Variants in EVC observed in about 807,000 individuals in gnomAD.
The protein encoded by EVC is EvC ciliary complex subunit 1, also known as evC complex member EVC.
Under a neutral mutation model 118.9 loss-of-function variants are expected in EVC, and 116 were observed. The observed-to-expected ratio is 0.98, with a 90% CI of 0.84 to 1.14. The LOEUF is 1.14. Among genes scored for constraint, EVC ranks in the 50% most tolerant of loss-of-function variants. The pLI is 0.00. For synonymous variants in EVC, 619 were observed against 534.7 expected (o/e 1.16, Z -2.18); for missense variants, 1,401 against 1,246.4 (o/e 1.12, Z -1.87).
chr4:5,745,321 T>C lies in EVC; in HGVS notation c.919T>C (p.Ser307Pro), dbSNP rs121908426. ...TGTGGAAAAGAAGGAGAGAGAATAC[T>C]CTGAACAGCTAATCGATAATGTGCG... ...ADVEKKEREYSEQLIDNMEAF... is the reference protein window; with the variant it reads ...ADVEKKEREYPEQLIDNMEAF... The change falls in exon 7 of 21, where the codon TCT (serine) becomes CCT (proline). Residue 307 changes from serine (S) to proline (P), a missense_variant. Transcript: ENST00000264956. 1.9e-5 allele frequency: 30 copies of C among 1,613,994 alleles called. No homozygotes were observed. The highest frequency in any genetic ancestry group is 2.3e-5 in the Non-Finnish European group (27 of 1,179,972).
At chr4:5,779,446 C>T (rs1404001473) in intron 11 of EVC, among the ~76,000 whole-genome samples, 5 of 150,154 alleles carry the variant, frequency 3.3e-5, no homozygotes, top group Non-Finnish European at 7.4e-5. Context: ...TGGCCATTTT[C>T]ACGATATTGA....
chr4:5,807,294 G>C (rs1477229727), intron 17 of EVC, among the ~76,000 whole-genome samples: 4 of 152,216 alleles, frequency 2.6e-5, no homozygotes, highest in African/African-American at 7.2e-5. Context: ...ATGGATGACA[G>C]CGTCTTGTAG....
chr4:5,767,484 C>T (rs906328989), intron 11 of EVC, among the ~76,000 whole-genome samples: 37 of 150,728 alleles, frequency 2.5e-4, no homozygotes, highest in Non-Finnish European at 4.4e-4. Context: ...CAATGGCGGG[C>T]GCCTCTCCCC....
Position 5,783,664 on chromosome 4 carries a change from A to C in EVC, c.1676A>C (p.Gln559Pro). The C allele has an allele frequency of 6.2e-7, 1 of 1,614,192 alleles. No individual in the cohort carries two copies. Among genetic ancestry groups the C allele is most frequent in the Non-Finnish European group, 8.5e-7 (1 of 1,180,030 alleles). Residue 559 changes from glutamine (Q) to proline (P), a missense_variant, in exon 12 of 21, where the codon CAG (glutamine) becomes CCG (proline). By Grantham distance (76) the Gln-to-Pro change is moderately conservative. Coordinates refer to ENST00000264956, the MANE Select transcript of EVC (RefSeq NM_153717.3). ...CCGGAAGAGTGTGACTACTTGAGGC[A>C]GGAAGTCCAGGAGAACGCTGCCTGG... is the stretch of plus-strand genomic sequence containing the variant. ...LPPEECDYLR[Q>P]EVQENAAWQL...
At chr4:5,765,855 C>G (rs1156960772) in intron 11 of EVC, among the ~76,000 whole-genome samples, 3 of 150,364 alleles carry the variant, frequency 2.0e-5, no homozygotes, top group Admixed American at 1.3e-4. Context: ...GACTCTTCAT[C>G]CAGTTTGCCA....
chr4:5,787,619 C>T (rs1447362408), intron 12 of EVC, among the ~76,000 whole-genome samples: 3 of 152,106 alleles, frequency 2.0e-5, no homozygotes, highest in Non-Finnish European at 2.9e-5. Flanking sequence ...TCTCCAGAAG[C>T]GTAAGGTAAT....
Position 5,794,257 on chromosome 4 carries a change from GT to G in EVC, c.1886+541del, listed in dbSNP as rs1713364134. 1.3e-4 allele frequency among the ~76,000 whole-genome samples: 4 copies of G among 29,682 alleles called. No individual in the cohort carries two copies. In the South Asian group the frequency reaches 0.011, roughly 84 times the overall value. 19.5% of individuals were successfully genotyped at this position (29,682 alleles called of 152,430 possible). On this transcript the variant is annotated intron_variant, in intron 13 of 20. Transcript: ENST00000264956. ...TATATATTTATATATATATTTATATGTATTTATATATTTATATATATTTATA... is the reference window on the plus strand; with the variant it reads ...TATATATTTATATATATATTTATATGATTTATATATTTATATATATTTATA...
intron 2 of EVC, among the ~76,000 whole-genome samples, chr4:5,726,294 G>A (rs181768550): frequency 3.9e-5 from 6 of 152,298 alleles, no homozygotes; most frequent in East Asian, 1.9e-4. Flanking sequence ...GGTCTGCAGC[G>A]CCAGGCTTTG....
the EVC span, chr4:5,825,855 G>T: frequency 1.7e-6 from 1 of 576,018 alleles, no homozygotes; most frequent in South Asian, 2.2e-5. The surrounding 1 kb of genome is among the most constrained non-coding windows in gnomAD (Gnocchi z 4.4). Context: ...ATACACACAA[G>T]CATGCATACA....
intron 2 of EVC, among the ~76,000 whole-genome samples, chr4:5,724,880 C>T (rs1178110120): frequency 1.3e-5 from 2 of 152,002 alleles, no homozygotes; most frequent in African/African-American, 2.4e-5. Context: ...TCCCTCCCCT[C>T]GCCCCCGACA....
intron 8 of EVC, among the ~76,000 whole-genome samples, chr4:5,750,551 G>A (rs952364483): frequency 6.6e-6 from 1 of 152,202 alleles, no homozygotes; most frequent in Non-Finnish European, 1.5e-5. Context: ...CTTGCCACTC[G>A]TTAGCTGTGT....
downstream of EVC, among the ~76,000 whole-genome samples, chr4:5,816,584 CTCCCTCCCT>C (rs1346208922): frequency 1.3e-5 from 2 of 150,988 alleles, no homozygotes; most frequent in African/African-American, 4.9e-5. Flanking sequence ...CCTTCCTCCC[CTCCCTCCCT>C]TCTTTCCTTA....
In EVC at chr4:5,741,675, A is replaced by G. The variant is rs763954061; in HGVS notation, c.703-41A>G. ...AAAGCAAAAGACAAAAATACCATTG[A>G]TTAAACTTTTCTTTTGTTATCTTTC... On this transcript the variant is annotated intron_variant, in intron 5 of 20. Transcript: ENST00000264956. 4 of 1,235,838 alleles carry G rather than the reference A, an allele frequency of 3.2e-6. No individual in the cohort carries two copies. The South Asian group carries it at 4.9e-5, about 15-fold the overall frequency. 76.6% of individuals were successfully genotyped at this position (1,235,838 alleles called of 1,614,324 possible). A position where few individuals can be genotyped will look rare whatever the true frequency, so the allele number is the denominator to read the frequency against.
At chr4:5,822,322 A>G in the EVC span, among the ~76,000 whole-genome samples, 1 of 152,144 alleles carries the variant, frequency 6.6e-6, no homozygotes, top group Non-Finnish European at 1.5e-5. Flanking sequence ...TTGAAGCCCA[A>G]ACTGGTTGGT....
chr4:5,821,821 C>T, the EVC span: 3 of 1,609,874 alleles, frequency 1.9e-6, no homozygotes, highest in African/African-American at 2.7e-5. The surrounding 1 kb of genome is among the most constrained non-coding windows in gnomAD (Gnocchi z 4.4). Context: ...GTGGCCGGTG[C>T]GCCTGGGATT....
chr4:5,759,109 G>C (rs1731622725), intron 11 of EVC, among the ~76,000 whole-genome samples: 1 of 152,012 alleles, frequency 6.6e-6, no homozygotes, highest in Admixed American at 6.6e-5. Flanking sequence ...AGGCACAGTA[G>C]CTGTACACAC....
chr4:5,746,981 G>C lies in EVC; in HGVS notation c.940-1167G>C, dbSNP rs763952672. ...TTGGCAGGTGACAGTCTGCAGTCAC[G>C]TGGCAGGTGGAAGGCAGGTCATCTG... On this transcript the variant is annotated intron_variant, in intron 7 of 20. Transcript: ENST00000264956. The surrounding 1 kb of genome is among the most constrained non-coding windows in gnomAD (Gnocchi z 5.8). Among the ~76,000 whole-genome samples the C allele has an allele frequency of 2.0e-5, 3 of 152,092 alleles. No homozygotes were observed. Among genetic ancestry groups the C allele is most frequent in the African/African-American group, 7.2e-5 (3 of 41,412 alleles).
In EVC at chr4:5,731,451, G is replaced by T. The variant is rs758770136; in HGVS notation, c.411G>T (p.Pro137=). Residue 137 remains proline, a synonymous_variant, in exon 4 of 21, where the codon CCG becomes CCT. Transcript: ENST00000264956. The surrounding 1 kb of genome is among the most constrained non-coding windows in gnomAD (Gnocchi z 5.6). Reference sequence around the variant, plus strand: ...CTCTGGCCGATGGCTCCTCCAACCCGTCTCTGCATGAAAACTTAAAGCAGG... The same window carrying T: ...CTCTGGCCGATGGCTCCTCCAACCCTTCTCTGCATGAAAACTTAAAGCAGG... ...FRPLADGSSN[P]SLHENLKQAV... is the part of the protein sequence containing the mutation. 6 of 1,613,228 alleles carry T rather than the reference G, an allele frequency of 3.7e-6. No homozygotes were observed. In the South Asian group the frequency reaches 5.5e-5, roughly 15 times the overall value.
chr4:5,752,912 A>C lies in EVC; in HGVS notation c.1175A>C (p.Glu392Ala). 1 of 1,614,194 alleles carries C rather than the reference A, an allele frequency of 6.2e-7. No individual in the cohort carries two copies. The highest frequency in any genetic ancestry group is 1.3e-5 in the African/African-American group (1 of 75,064). The part of the protein sequence containing the change: ...IEFLKLQVQE[E>A]TRCRLAAISH... Reference sequence around the variant, plus strand: ...TTTCTGAAGCTGCAAGTCCAGGAGGAGACCAGGTGCCGGCTGGCTGCCATC... The same window carrying C: ...TTTCTGAAGCTGCAAGTCCAGGAGGCGACCAGGTGCCGGCTGGCTGCCATC... Residue 392 changes from glutamate to alanine, a missense_variant, in exon 9 of 21, where the codon GAG becomes GCG. Transcript: ENST00000264956.
Sources: allele counts gnomAD v4.1 joint callset (sites outside exome capture counted in the v4.1 genomes callset), GRCh38; gene constraint gnomAD v4.1.1; non-coding constraint Gnocchi (gnomAD v3.1); transcripts MANE v1.5; gene names NCBI Gene and HGNC (gene_info 2026-07-23, HGNC 2026-07-21).